ACOT11: variants seen among roughly 807,000 people sequenced by gnomAD.
The protein encoded by ACOT11 is acyl-CoA thioesterase 11, also known as acyl-coenzyme A thioesterase 11.
A neutral mutation model predicts 77.5 loss-of-function variants in ACOT11; 69 were observed. The observed-to-expected ratio is 0.89, with a 90% CI of 0.73 to 1.09. The LOEUF (loss-of-function observed/expected upper bound fraction) is 1.09. Ranked by LOEUF, ACOT11 falls within the 50% of genes least tolerant of loss-of-function variation. The pLI is 0.00. For missense variants in ACOT11, 766 were observed against 813.7 expected (o/e 0.94, Z 0.71); for synonymous variants, 279 against 313.0 (o/e 0.89, Z 1.15).
chr1:54,608,663 CCCCTG>C (rs1229339916), intron 15 of ACOT11, among the ~76,000 whole-genome samples: 3 of 152,098 alleles, frequency 2.0e-5, no homozygotes, highest in African/African-American at 7.2e-5. Context: ...GGAGATGCAG[CCCCTG>C]CCCTCCAGGG....
At chr1:54,635,272 C>T (rs1240604493) in exon 17 of ACOT11, 1 of 221,476 alleles carries the variant, frequency 4.5e-6, no homozygotes, top group Non-Finnish European at 8.9e-6. Flanking sequence ...AATTGCACCT[C>T]TCAGTCTGCA....
chr1:54,587,222 A>G (rs1480394299), intron 3 of ACOT11, among the ~76,000 whole-genome samples: 1 of 152,074 alleles, frequency 6.6e-6, no homozygotes, highest in Non-Finnish European at 1.5e-5. Context: ...TCTGTGCAAT[A>G]ATGGGCTCTG....
chr1:54,609,166 C>T lies in ACOT11; in HGVS notation c.*54C>T. On this transcript the variant is annotated 3_prime_UTR_variant, in exon 16 of 16. Coordinates refer to ENST00000343744, the MANE Select transcript of ACOT11 (RefSeq NM_147161.4). The stretch of plus-strand genomic sequence containing the variant: ...TCCCACTCCATCCTGTCCCCAAGGA[C>T]TCACATACAGTGCCTGGAGAAAGCC... 1 of 1,611,522 alleles carries T rather than the reference C, an allele frequency of 6.2e-7. No homozygotes were observed. The highest frequency in any genetic ancestry group is 8.5e-7 in the Non-Finnish European group (1 of 1,178,606).
chr1:54,555,122 G>A (rs932157444), intron 1 of ACOT11, among the ~76,000 whole-genome samples: 1 of 152,082 alleles, frequency 6.6e-6, no homozygotes, highest in African/African-American at 2.4e-5. Context: ...ACCATGCCTG[G>A]CTAATTTTTT....
chr1:54,558,366 G>T, intron 1 of ACOT11, among the ~76,000 whole-genome samples: 1 of 152,210 alleles, frequency 6.6e-6, no homozygotes, highest in East Asian at 1.9e-4. Flanking sequence ...ACAACTCTGT[G>T]AAGTAGATAA....
chr1:54,594,520 C>T (rs980792405), intron 5 of ACOT11, 36 bp from the exon 6 acceptor site: 1 of 1,592,288 alleles, frequency 6.3e-7, no homozygotes, highest in Admixed American at 1.7e-5. Context: ...AGGAGACTTG[C>T]CCTGAGTGTC....
chr1:54,612,551 A>C (rs142570722), downstream of ACOT11: 22 of 1,614,068 alleles, frequency 1.4e-5, no homozygotes, highest in Middle Eastern at 3.3e-4. Flanking sequence ...AAGACCGTAC[A>C]GGGAAGGTGA....
intron 15 of ACOT11, among the ~76,000 whole-genome samples, chr1:54,628,658 T>TC (rs1644284533): frequency 7.9e-6 from 1 of 126,060 alleles, no homozygotes; most frequent in East Asian, 2.5e-4. Context: ...CATGAATTTG[T>TC]ACTGCTTAGG....
chr1:54,630,708 C>T (rs1298761717), intron 15 of ACOT11: 2 of 669,106 alleles, frequency 3.0e-6, no homozygotes, highest in Admixed American at 2.3e-5. Flanking sequence ...CTCTATATTT[C>T]TCTGTGTGTC....
chr1:54,612,752 G>A (rs748055272), downstream of ACOT11: 33 of 1,489,868 alleles, frequency 2.2e-5, 1 homozygote, highest in Middle Eastern at 2.2e-4. Context: ...GAGCTGCAGC[G>A]GCCCCTTCCT....
chr1:54,574,029 CAA>C (rs368096166), intron 1 of ACOT11, among the ~76,000 whole-genome samples: 63 of 87,276 alleles, frequency 7.2e-4, no homozygotes, highest in Middle Eastern at 0.013. Flanking sequence ...AACTCCATCT[CAA>C]AAAAAAAAAA....
intron 7 of ACOT11, chr1:54,598,576 C>G (rs998488942): frequency 5.9e-5 from 9 of 152,426 alleles, no homozygotes; most frequent in African/African-American, 2.2e-4. Flanking sequence ...GCTGGCCTAG[C>G]ATGGTGGCTC....
chr1:54,618,309 G>A (rs1407489473), intron 15 of ACOT11, among the ~76,000 whole-genome samples: 1 of 152,134 alleles, frequency 6.6e-6, no homozygotes, highest in African/African-American at 2.4e-5. Flanking sequence ...TTCGAGACTA[G>A]CCTGGTCAAC....
rs368617532 is a variant in ACOT11 at position 54,603,974 on chromosome 1, C to T, written c.1152+37C>T. The T allele has an allele frequency of 2.5e-4, 397 of 1,594,928 alleles. 6 individuals carry two copies. In the South Asian group the frequency reaches 4.0e-3, roughly 16 times the overall value. On this transcript the variant is annotated intron_variant, in intron 11 of 15. Coordinates refer to ENST00000343744, the MANE Select transcript of ACOT11 (RefSeq NM_147161.4). ...TGCTCCGAGAGGACAGTCTTCAGAC[C>T]CACCGGGCCCCCACCCTTCCCTGCT... is the stretch of plus-strand genomic sequence containing the variant.
At chr1:54,623,702 C>A in intron 15 of ACOT11, 1 of 258,160 alleles carries the variant, frequency 3.9e-6, no homozygotes, top group South Asian at 1.0e-4. Flanking sequence ...CGAGCCCCGA[C>A]CCCTGGCTGT....
intron 4 of ACOT11, 148 bp from the exon 5 acceptor site, chr1:54,593,793 A>T: frequency 1.5e-6 from 1 of 656,308 alleles, no homozygotes; most frequent in Non-Finnish European, 2.6e-6. Context: ...CCCCCCTCAG[A>T]TCTCTGGCCT....
rs1197847471 is a variant in ACOT11, at chr1:54,584,648, A to C, written c.34-7A>C. On this transcript the variant is annotated splice_region_variant and splice_polypyrimidine_tract_variant and intron_variant, in intron 1 of 15. Transcript: ENST00000343744. This position sits in a 1 kb window ranked among gnomAD's most constrained non-coding sequence, Gnocchi z 6.3. ...TCTGTCCCCACCTGTCCCCACCTGTACCCCAGGGCTTGGCCTCTGTGTTCT... is the reference window on the plus strand; with the variant it reads ...TCTGTCCCCACCTGTCCCCACCTGTCCCCCAGGGCTTGGCCTCTGTGTTCT... 3 of 1,613,448 alleles carry C rather than the reference A, an allele frequency of 1.9e-6. No homozygotes were observed. The highest frequency in any genetic ancestry group is 2.2e-5 in the South Asian group (2 of 90,986).
rs1284469632 is a variant in ACOT11, at chr1:54,589,043, G to T, written c.311+3139G>T. Among the ~76,000 whole-genome samples, 4 of 149,934 alleles carry T rather than the reference G, an allele frequency of 2.7e-5. No individual in the cohort carries two copies. In the Admixed American group the frequency reaches 2.7e-4, roughly 10 times the overall value. On this transcript the variant is annotated intron_variant, in intron 3 of 15. Coordinates refer to ENST00000343744, the MANE Select transcript of ACOT11 (RefSeq NM_147161.4). Reference sequence around the variant, plus strand: ...TTTTATATTTATTTATTTATTTATTGAGATGATCTGTCTCCCAGGCCGGAG... The same window carrying T: ...TTTTATATTTATTTATTTATTTATTTAGATGATCTGTCTCCCAGGCCGGAG...
chr1:54,582,873 T>C (rs890657914), intron 1 of ACOT11, among the ~76,000 whole-genome samples: 1 of 152,052 alleles, frequency 6.6e-6, no homozygotes, highest in East Asian at 1.9e-4. Context: ...GGGCATTGTC[T>C]CCCCATTTCC....
Sources: allele counts gnomAD v4.1 joint callset (sites outside exome capture counted in the v4.1 genomes callset), GRCh38; gene constraint gnomAD v4.1.1; non-coding constraint Gnocchi (gnomAD v3.1); transcripts MANE v1.5; gene names NCBI Gene and HGNC (gene_info 2026-07-23, HGNC 2026-07-21).